The following TTC1 variants were observed in gnomAD, a reference collection of about 807,000 sequenced individuals.
TTC1 encodes tetratricopeptide repeat protein 1.
Under a neutral mutation model 37.6 loss-of-function variants are expected in TTC1, and 31 were observed. The ratio of observed to expected loss-of-function variants is 0.82; its 90% CI spans 0.62 to 1.11. The LOEUF (loss-of-function observed/expected upper bound fraction) is 1.11, where lower values mean the gene tolerates loss of function less well. Among genes scored for constraint, TTC1 ranks in the 50% most tolerant of loss-of-function variants. The pLI, the probability that TTC1 is intolerant of heterozygous loss-of-function variation, is 0.00. For missense variants in TTC1, 351 were observed against 339.0 expected (o/e 1.04, Z -0.28); for synonymous variants, 127 against 122.4 (o/e 1.04, Z -0.25).
intron 2 of TTC1, among the ~76,000 whole-genome samples, chr5:160,026,516 AT>A (rs1331186966): frequency 1.3e-5 from 2 of 152,122 alleles, no homozygotes; most frequent in Admixed American, 6.5e-5. Flanking sequence ...TAGTTGTTAT[AT>A]TTTCCCAATT....
intron 3 of TTC1, 63 bp from the exon 4 acceptor site, chr5:160,036,628 G>GTGGAATATA (rs1757003241): frequency 8.8e-7 from 1 of 1,136,276 alleles, no homozygotes; most frequent in African/African-American, 1.5e-5. Context: ...CTGAGATCCT[G>GTGGAATATA]TGGAATATAG....
Position 160,028,082 on chromosome 5 carries a change from G to A in TTC1, c.331-7058G>A, listed in dbSNP as rs371984913. On this transcript the variant is annotated intron_variant, in intron 2 of 7. Coordinates refer to ENST00000231238, the MANE Select transcript of TTC1 (RefSeq NM_003314.3). ...TGAGGGGCCGAGGCGAGTGGATCACGAGGTCAGGAGATCGAGACCATCCTG... is the reference window on the plus strand; with the variant it reads ...TGAGGGGCCGAGGCGAGTGGATCACAAGGTCAGGAGATCGAGACCATCCTG... Among the ~76,000 whole-genome samples the A allele has an allele frequency of 1.2e-4, 19 of 152,164 alleles. No homozygotes were observed. In the South Asian group the frequency reaches 2.5e-3, roughly 20 times the overall value.
intron 5 of TTC1, among the ~76,000 whole-genome samples, chr5:160,045,554 C>CTCTCTCTCTCTCTCTCTCT (rs1310066249): frequency 8.6e-6 from 1 of 115,974 alleles, no homozygotes; most frequent in Non-Finnish European, 1.8e-5. Flanking sequence ...TCTCTCTCTC[C>CTCTCTCTCTCTCTCTCTCT]CCCTCCCCTC....
chr5:160,056,761 C>A (rs1044324236), intron 7 of TTC1, among the ~76,000 whole-genome samples: 1 of 151,972 alleles, frequency 6.6e-6, no homozygotes, highest in Non-Finnish European at 1.5e-5. Flanking sequence ...TGTATGAGTG[C>A]CATATTAAAG....
intron 7 of TTC1, chr5:160,063,696 T>G (rs1753502756): frequency 6.6e-6 from 1 of 152,170 alleles, no homozygotes; most frequent in Non-Finnish European, 1.5e-5. Context: ...TTAAAGCAGT[T>G]TAGAAAGGGT....
rs772787971 is a variant in TTC1, at chr5:160,049,546, A to G, written c.574A>G (p.Ile192Val). 1.2e-6 allele frequency: 2 copies of G among 1,600,308 alleles called. No homozygotes were observed. The highest frequency in any genetic ancestry group is 3.5e-5 in the Admixed American group (2 of 56,990). Reference protein sequence around the residue: ...IQLNPSYIRAILRRAELYEKT... With the variant: ...IQLNPSYIRAVLRRAELYEKT... ...ATTAAACCCCAGCTATATCAGGGCA[A>G]TATTGAGGAGAGCAGAGTTGTATGA... Residue 192 changes from isoleucine to valine, a missense_variant, in exon 6 of 8, where the codon ATA becomes GTA. Physicochemically the swap from Ile to Val is conservative, Grantham distance 29. Transcript: ENST00000231238.
chr5:160,019,045 A>C (rs948012445), intron 2 of TTC1, among the ~76,000 whole-genome samples: 8 of 152,210 alleles, frequency 5.3e-5, no homozygotes, highest in Non-Finnish European at 1.0e-4. Flanking sequence ...CTGGTGATTT[A>C]ATTCTTTCCT....
At chr5:160,020,385 G>A (rs1176186570) in intron 2 of TTC1, among the ~76,000 whole-genome samples, 4 of 152,168 alleles carry the variant, frequency 2.6e-5, no homozygotes, top group Non-Finnish European at 5.9e-5. Flanking sequence ...AAAGTGCTGG[G>A]ATTACAGGAA....
intron 2 of TTC1, among the ~76,000 whole-genome samples, chr5:160,013,184 G>A (rs1581090830): frequency 6.6e-6 from 1 of 152,272 alleles, no homozygotes; most frequent in East Asian, 1.9e-4. Context: ...CAACCTATAA[G>A]AGTGCAGATT....
intron 7 of TTC1, among the ~76,000 whole-genome samples, chr5:160,060,473 T>C (rs939608836): frequency 6.6e-5 from 10 of 152,184 alleles, no homozygotes; most frequent in African/African-American, 2.4e-4. Context: ...ATAGACGAGA[T>C]CCTAATAGTT....
At chr5:160,043,266 TCCTC>T in intron 5 of TTC1, 97 bp downstream of exon 5, 1 of 1,305,858 alleles carries the variant, frequency 7.7e-7, no homozygotes, top group Admixed American at 2.2e-5. Flanking sequence ...TGTGTACCCT[TCCTC>T]TGGGGCCTTG....
chr5:160,031,143 A>G (rs1465542292), intron 2 of TTC1, among the ~76,000 whole-genome samples: 4 of 152,204 alleles, frequency 2.6e-5, no homozygotes, highest in Admixed American at 1.3e-4. Context: ...GAAATAGTTC[A>G]ACTTTCTCCT....
At chr5:160,025,795 G>A (rs1756792988) in intron 2 of TTC1, among the ~76,000 whole-genome samples, 1 of 152,026 alleles carries the variant, frequency 6.6e-6, no homozygotes, top group South Asian at 2.1e-4. Flanking sequence ...TAAAAGATAG[G>A]GTCTAGCTTC....
At chr5:160,051,091 T>G (rs1757392199) in intron 6 of TTC1, 38 bp from the exon 7 acceptor site, 1 of 1,544,648 alleles carries the variant, frequency 6.5e-7, no homozygotes, top group Non-Finnish European at 8.7e-7. Flanking sequence ...GGTTTTTTTT[T>G]TTTTTTTACC....
At chr5:160,027,859 T>C (rs958543949) in intron 2 of TTC1, among the ~76,000 whole-genome samples, 1 of 152,348 alleles carries the variant, frequency 6.6e-6, no homozygotes, top group Admixed American at 6.5e-5. Flanking sequence ...CATTTTTCTC[T>C]TGTGGCTTTC....
In TTC1 at chr5:160,010,659, A is replaced by G. The variant is rs756332105; in HGVS notation, c.131A>G (p.Lys44Arg). 6.2e-7 allele frequency: 1 copy of G among 1,613,932 alleles called. No individual in the cohort carries two copies. ...PDPKNQHSQS[K>R]LLRDDEAHLQ... is the part of the protein sequence containing the mutation. ...CCCAAAAATCAGCATTCCCAGAGTA[A>G]GCTGCTCAGGGATGATGAGGCCCAT... Residue 44 changes from lysine to arginine, a missense_variant, in exon 2 of 8, where the codon AAG (lysine) becomes AGG (arginine). By Grantham distance (26) the Lys-to-Arg change is conservative (BLOSUM62 2). Transcript: ENST00000231238.
intron 4 of TTC1, among the ~76,000 whole-genome samples, chr5:160,038,153 A>G (rs1188636650): frequency 1.3e-5 from 2 of 152,036 alleles, no homozygotes; most frequent in African/African-American, 4.8e-5. Context: ...GGAGTATTTC[A>G]TGTGGCATGA....
chr5:160,037,124 A>T (rs559551037), intron 4 of TTC1, among the ~76,000 whole-genome samples: 1 of 152,288 alleles, frequency 6.6e-6, no homozygotes, highest in South Asian at 2.1e-4. Flanking sequence ...TCCTTATTTT[A>T]GGCCTCTGGA....
chr5:160,017,407 C>A (rs1424704689), intron 2 of TTC1, among the ~76,000 whole-genome samples: 2 of 152,136 alleles, frequency 1.3e-5, no homozygotes, highest in African/African-American at 4.8e-5. Context: ...AGGGGCAGGG[C>A]AGCTCCCTTC....
Sources: gnomAD v4.1 joint callset for allele counts (sites outside exome capture counted in the v4.1 genomes callset) on GRCh38, gnomAD v4.1.1 for gene constraint, MANE v1.5 for transcripts, NCBI Gene and HGNC (gene_info 2026-07-23, HGNC 2026-07-21) for gene names.